Variants in CDH13 observed in about 807,000 individuals in gnomAD.
The protein encoded by CDH13 is cadherin 13.
In CDH13, 24 loss-of-function variants were observed where a neutral mutation model predicts 63.8. That is an observed-to-expected ratio of 0.38 (90% confidence interval 0.27 to 0.53). The LOEUF is 0.53. Among genes scored for constraint, CDH13 ranks in the 20% least tolerant of loss-of-function variants. The pLI is 0.85. For synonymous variants in CDH13, 503 were observed against 355.3 expected (o/e 1.42, Z -4.67); for missense variants, 1,049 against 903.1 (o/e 1.16, Z -2.07).
At chr16:83,619,996 G>A (rs536717398) in intron 8 of CDH13, among the ~76,000 whole-genome samples, 153 of 152,208 alleles carry the variant, frequency 1.0e-3, no homozygotes, top group African/African-American at 3.5e-3. Flanking sequence ...GTCAGGGAGG[G>A]TGTGAGGCTG....
intron 6 of CDH13, among the ~76,000 whole-genome samples, chr16:83,417,600 C>T (rs1222753555): frequency 1.3e-5 from 2 of 152,126 alleles, no homozygotes; most frequent in Admixed American, 6.6e-5. Context: ...GATGTTGCAG[C>T]AAACAAACAC....
intron 2 of CDH13, among the ~76,000 whole-genome samples, chr16:83,006,194 C>T (rs1435804615): frequency 1.3e-5 from 2 of 152,146 alleles, no homozygotes; most frequent in African/African-American, 4.8e-5. Context: ...AATCACATCA[C>T]TTTAATACAT....
At chr16:83,653,663 C>A (rs1355403970) in intron 8 of CDH13, among the ~76,000 whole-genome samples, 1 of 152,160 alleles carries the variant, frequency 6.6e-6, no homozygotes, top group Non-Finnish European at 1.5e-5. Flanking sequence ...AATGAAGAAT[C>A]AATCTGTTGG....
intron 2 of CDH13, among the ~76,000 whole-genome samples, chr16:82,949,306 G>C (rs1415394154): frequency 6.6e-6 from 1 of 152,132 alleles, no homozygotes; most frequent in Non-Finnish European, 1.5e-5. Context: ...TCTCTGCTTT[G>C]TTCCTCACAC....
intron 1 of CDH13, among the ~76,000 whole-genome samples, chr16:82,842,110 ATG>A (rs1227731781): frequency 0.26 from 15,189 of 57,408 alleles, 2,354 homozygotes; most frequent in Non-Finnish European, 0.28. Flanking sequence ...ATATATATAT[ATG>A]TATATATATA....
intron 7 of CDH13, among the ~76,000 whole-genome samples, chr16:83,575,355 A>G (rs1157885189): frequency 6.6e-6 from 1 of 152,226 alleles, no homozygotes; most frequent in Non-Finnish European, 1.5e-5. Flanking sequence ...ACAAAAACAA[A>G]AAGTGTCCCA....
intron 5 of CDH13, among the ~76,000 whole-genome samples, chr16:83,278,497 T>A (rs779499408): frequency 1.3e-5 from 2 of 152,180 alleles, no homozygotes; most frequent in African/African-American, 2.4e-5. Flanking sequence ...GTGTGAAGAA[T>A]CCCGTTATAG....
chr16:83,517,354 G>A (rs371558368), intron 7 of CDH13, among the ~76,000 whole-genome samples: 22 of 152,314 alleles, frequency 1.4e-4, no homozygotes, highest in East Asian at 5.8e-4. Flanking sequence ...TAGGCATAGC[G>A]CAACAAAGTT....
At chr16:83,034,909 G>A (rs539577824) in intron 3 of CDH13, among the ~76,000 whole-genome samples, 1 of 152,178 alleles carries the variant, frequency 6.6e-6, no homozygotes, top group South Asian at 2.1e-4. Context: ...ACGCATTTTC[G>A]ACAAAACTTG....
At chr16:83,650,825 C>T (rs1385422678) in intron 8 of CDH13, among the ~76,000 whole-genome samples, 25 of 152,140 alleles carry the variant, frequency 1.6e-4, no homozygotes, top group Admixed American at 1.6e-3. Context: ...GTTATCTTAA[C>T]ATTTTAGGCG....
At chr16:83,134,915 T>G (rs1250070904) in intron 4 of CDH13, among the ~76,000 whole-genome samples, 2 of 152,188 alleles carry the variant, frequency 1.3e-5, no homozygotes, top group East Asian at 3.8e-4. Context: ...TAACCCTGAG[T>G]TTATCACCCT....
intron 1 of CDH13, among the ~76,000 whole-genome samples, chr16:82,821,191 A>G (rs146445267): frequency 2.7e-4 from 41 of 152,258 alleles, no homozygotes; most frequent in Non-Finnish European, 4.9e-4. Context: ...TTTTCCCCAC[A>G]TCATTATTTT....
intron 6 of CDH13, among the ~76,000 whole-genome samples, chr16:83,458,518 A>G (rs2073084778): frequency 2.0e-5 from 3 of 152,202 alleles, no homozygotes; most frequent in Non-Finnish European, 4.4e-5. Context: ...GAGTTATAGA[A>G]TGGAGTTCAT....
At chr16:83,142,973 C>T (rs573096917) in intron 4 of CDH13, among the ~76,000 whole-genome samples, 51 of 152,284 alleles carry the variant, frequency 3.3e-4, no homozygotes, top group African/African-American at 1.0e-3. Context: ...TGTGATGGCA[C>T]ATGCCTGTCA....
chr16:82,629,023 G>C (rs568104066), intron 1 of CDH13, among the ~76,000 whole-genome samples: 1 of 152,350 alleles, frequency 6.6e-6, no homozygotes, highest in South Asian at 2.1e-4. Context: ...CCATTGCCTT[G>C]TCCAGGACTT....
chr16:82,801,872 A>G (rs934736750), intron 1 of CDH13, among the ~76,000 whole-genome samples: 21 of 152,188 alleles, frequency 1.4e-4, no homozygotes, highest in Non-Finnish European at 2.6e-4. Context: ...TTGTTCCCAA[A>G]CACTCATTAT....
chr16:82,756,639 A>T (rs2034621213), intron 1 of CDH13, among the ~76,000 whole-genome samples: 1 of 152,180 alleles, frequency 6.6e-6, no homozygotes, highest in Admixed American at 6.5e-5. Context: ...GTAACAGGTC[A>T]GTGAGAATTA....
intron 11 of CDH13, among the ~76,000 whole-genome samples, chr16:83,768,152 A>G (rs1286828867): frequency 6.6e-6 from 1 of 152,062 alleles, no homozygotes; most frequent in Non-Finnish European, 1.5e-5. Flanking sequence ...TGTCTTTCTA[A>G]TTTTTCTCTA....
At chr16:82,768,641 G>A (rs2035149980) in intron 1 of CDH13, among the ~76,000 whole-genome samples, 1 of 152,140 alleles carries the variant, frequency 6.6e-6, no homozygotes, top group Non-Finnish European at 1.5e-5. Flanking sequence ...AATCTTTGGG[G>A]CAGGTTAGGA....
Sources: gnomAD v4.1 joint callset for allele counts (sites outside exome capture counted in the v4.1 genomes callset) on GRCh38, gnomAD v4.1.1 for gene constraint, MANE v1.5 for transcripts, NCBI Gene and HGNC (gene_info 2026-07-23, HGNC 2026-07-21) for gene names.